The following GOLGA3 variants were observed in gnomAD, a reference collection of about 807,000 sequenced individuals.
GOLGA3 encodes golgin A3.
A neutral mutation model predicts 169.4 loss-of-function variants in GOLGA3; 75 were observed. That is an observed-to-expected ratio of 0.44 (90% CI 0.37 to 0.54). GOLGA3 has a LOEUF of 0.54. Ranked by LOEUF, GOLGA3 falls within the 20% of genes least tolerant of loss-of-function variation. The pLI, the probability that GOLGA3 is intolerant of heterozygous loss-of-function variation, is 0.00. For synonymous variants in GOLGA3, 824 were observed against 822.4 expected (o/e 1.00, Z -0.03); for missense variants, 1,899 against 1,930.0 (o/e 0.98, Z 0.30).
At position 132,796,579 on chromosome 12, in the gene GOLGA3, A is replaced by G; in HGVS notation, c.2060T>C (p.Met687Thr). 6.2e-7 allele frequency: 1 copy of G among 1,613,556 alleles called. No individual in the cohort carries two copies. Among genetic ancestry groups the G allele is most frequent in the Non-Finnish European group, 8.5e-7 (1 of 1,180,002 alleles). ...CTCCAGGGATGCCGCCGAGTCCGCC[A>G]TCCTCTGCAGCCGCTCCCTCTCACC... Reference protein sequence around the residue: ...FEGERERLQRMADSAASLEQQ... With the variant: ...FEGERERLQRTADSAASLEQQ... The change falls in exon 10 of 24, where the codon ATG becomes ACG. Residue 687 changes from methionine to threonine, a missense_variant. Transcript: ENST00000450791.
At chr12:132,782,023 A>C (rs567775892) in intron 17 of GOLGA3, among the ~76,000 whole-genome samples, 3 of 152,248 alleles carry the variant, frequency 2.0e-5, no homozygotes, top group African/African-American at 7.2e-5. Flanking sequence ...CTCACCTCAG[A>C]GAGCCCAGCC....
chr12:132,786,628 C>T, intron 14 of GOLGA3, 65 bp downstream of exon 14: 1 of 1,140,048 alleles, frequency 8.8e-7, no homozygotes, highest in Non-Finnish European at 1.2e-6. Context: ...TCTGGTTCGC[C>T]TCCCCCCCGG....
chr12:132,798,553 C>A, intron 8 of GOLGA3, 76 bp from the exon 9 acceptor site: 1 of 1,407,224 alleles, frequency 7.1e-7, no homozygotes. Context: ...TCCCTGGAGG[C>A]CCCAGGGTGA....
At chr12:132,811,525 A>G (rs568014381) in intron 4 of GOLGA3, among the ~76,000 whole-genome samples, 107 of 151,844 alleles carry the variant, frequency 7.0e-4, no homozygotes, top group African/African-American at 2.6e-3. Flanking sequence ...CAGTGGTGCA[A>G]TCTTGGCTCA....
chr12:132,789,531 A>G (rs1165199367), intron 12 of GOLGA3, among the ~76,000 whole-genome samples: 1 of 152,220 alleles, frequency 6.6e-6, no homozygotes, highest in Admixed American at 6.5e-5. Flanking sequence ...CACCGGCCTC[A>G]TAGACGTCTC....
At chr12:132,808,632 C>A (rs559993007) in intron 4 of GOLGA3, 83 bp from the exon 5 acceptor site, 2 of 1,059,504 alleles carry the variant, frequency 1.9e-6, no homozygotes, top group South Asian at 3.0e-5. Flanking sequence ...AAGGTGGCAC[C>A]GATCACTACT....
rs113973822 is a variant in GOLGA3 at position 132,802,666 on chromosome 12, T to C, written c.1598-697A>G. ...AAAACAAAAAGAAAATTTAAAAAAATAGAAACAGGATGAATTGAAAAAAAT... is the reference window on the plus strand; with the variant it reads ...AAAACAAAAAGAAAATTTAAAAAAACAGAAACAGGATGAATTGAAAAAAAT... On this transcript the variant is annotated intron_variant, in intron 7 of 23. Transcript: ENST00000450791. Among the ~76,000 whole-genome samples the C allele has an allele frequency of 3.1e-3, 472 of 151,956 alleles. 2 individuals are homozygous for C. The highest frequency in any genetic ancestry group is 0.01 in the African/African-American group (429 of 41,432).
rs368485818 is a variant in GOLGA3 at position 132,822,115 on chromosome 12, G to A, written c.14C>T (p.Ser5Leu). 57 of 1,605,614 alleles carry A rather than the reference G, an allele frequency of 3.6e-5. No homozygotes were observed. The East Asian group carries it at 4.1e-4, about 12-fold the overall frequency. Reference protein sequence around the residue: MDGASAEQDGLQEDR... With the variant: MDGALAEQDGLQEDR... ...CTCCTGGAGGCCATCTTGCTCGGCCGACGCGCCGTCCATGGTCAGGACGAC... is the reference window on the plus strand; with the variant it reads ...CTCCTGGAGGCCATCTTGCTCGGCCAACGCGCCGTCCATGGTCAGGACGAC... The change falls in exon 2 of 24, where the codon TCG (serine) becomes TTG (leucine). Residue 5 changes from serine to leucine, a missense_variant. By Grantham distance (145) the Ser-to-Leu change is moderately radical. Transcript: ENST00000450791.
Position 132,822,125 on chromosome 12 carries a change from C to G in GOLGA3, c.4G>C (p.Asp2His), listed in dbSNP as rs996805865. 6.2e-7 allele frequency: 1 copy of G among 1,604,302 alleles called. No homozygotes were observed. The highest frequency in any genetic ancestry group is 1.3e-5 in the African/African-American group (1 of 74,084). ...CCATCTTGCTCGGCCGACGCGCCGT[C>G]CATGGTCAGGACGACACCAGCTGAG... MDGASAEQDGLQ... is the reference protein window; with the variant it reads MHGASAEQDGLQ... The change falls in exon 2 of 24, where the codon GAC becomes CAC. Residue 2 changes from aspartate to histidine, a missense_variant. By Grantham distance (81) the Asp-to-His change is moderately conservative. Coordinates refer to ENST00000450791, the MANE Select transcript of GOLGA3 (RefSeq NM_001389683.1).
intron 23 of GOLGA3, 140 bp from the exon 24 acceptor site, chr12:132,773,434 AGCTCAG>A: frequency 1.2e-5 from 5 of 422,806 alleles, no homozygotes; most frequent in East Asian, 3.6e-5. Context: ...AGACCACAGA[AGCTCAG>A]CTGTTCTCAG....
At chr12:132,778,367 C>A (rs1224109620) in intron 18 of GOLGA3, among the ~76,000 whole-genome samples, 1 of 152,068 alleles carries the variant, frequency 6.6e-6, no homozygotes, top group Non-Finnish European at 1.5e-5. Flanking sequence ...GAGGTCAGAT[C>A]GAGACTATCC....
chr12:132,802,107 C>A, intron 7 of GOLGA3, 138 bp from the exon 8 acceptor site: 1 of 674,004 alleles, frequency 1.5e-6, no homozygotes, highest in Admixed American at 2.6e-5. Flanking sequence ...CCATAGCTGA[C>A]TCCATGAAGT....
At chr12:132,801,587 G>C (rs1017548917) in intron 8 of GOLGA3, among the ~76,000 whole-genome samples, 180 bp downstream of exon 8, 7 of 152,102 alleles carry the variant, frequency 4.6e-5, no homozygotes, top group East Asian at 1.9e-4. Context: ...TTGGGGGGGG[G>C]CCCACGGGAC....
intron 2 of GOLGA3, among the ~76,000 whole-genome samples, chr12:132,820,735 G>A (rs963943932): frequency 5.9e-5 from 9 of 152,122 alleles, no homozygotes; most frequent in African/African-American, 1.4e-4. Context: ...ACTGTGCTCC[G>A]TAATCCTTAG....
intron 1 of GOLGA3, among the ~76,000 whole-genome samples, chr12:132,824,570 G>A (rs552382066): frequency 6.6e-6 from 1 of 152,278 alleles, no homozygotes; most frequent in Admixed American, 6.5e-5. Flanking sequence ...CAGGGTGCCT[G>A]GCACATAAAA....
intron 8 of GOLGA3, 96 bp from the exon 9 acceptor site, chr12:132,798,573 G>T: frequency 1.8e-6 from 2 of 1,104,808 alleles, no homozygotes; most frequent in Non-Finnish European, 2.6e-6. Flanking sequence ...AGGGTCACTG[G>T]CTGCCCCCTC....
At chr12:132,810,515 A>G (rs1949647759) in intron 4 of GOLGA3, among the ~76,000 whole-genome samples, 1 of 152,206 alleles carries the variant, frequency 6.6e-6, no homozygotes, top group Admixed American at 6.5e-5. Flanking sequence ...TTTTATTCCA[A>G]TATTATAATA....
chr12:132,791,111 C>T, intron 12 of GOLGA3, 105 bp downstream of exon 12: 1 of 330,962 alleles, frequency 3.0e-6, no homozygotes, highest in Non-Finnish European at 5.8e-6. Flanking sequence ...CAAGATGTTA[C>T]CTTCTTCTCA....
rs561402356 is a variant in GOLGA3, at chr12:132,780,167, T to C, written c.3582+631A>G. ...GTGTACAGACATCACAACACTTGCA[T>C]GCACAGCCCCCCGCGTGCACACACA... On this transcript the variant is annotated intron_variant, in intron 18 of 23. Transcript: ENST00000450791. Among the ~76,000 whole-genome samples, 74 of 114,444 alleles carry C rather than the reference T, an allele frequency of 6.5e-4. 1 individual carries two copies. Among genetic ancestry groups the C allele is most frequent in the Middle Eastern group, 6.8e-3 (1 of 146 alleles). 75.1% of individuals were successfully genotyped at this position (114,444 alleles called of 152,430 possible).
Sources: gnomAD v4.1 joint callset for allele counts (sites outside exome capture counted in the v4.1 genomes callset) on GRCh38, gnomAD v4.1.1 for gene constraint, MANE v1.5 for transcripts, NCBI Gene and HGNC (gene_info 2026-07-23, HGNC 2026-07-21) for gene names.